The following PLEKHA5 variants were observed in gnomAD, a reference collection of about 807,000 sequenced individuals.
PLEKHA5 encodes pleckstrin homology domain containing A5.
In PLEKHA5, 55 loss-of-function variants were observed where a neutral mutation model predicts 181.9. That is an observed-to-expected ratio of 0.30 (90% confidence interval 0.24 to 0.38). The LOEUF (loss-of-function observed/expected upper bound fraction) is 0.38, where lower values mean the gene tolerates loss of function less well. PLEKHA5 is among the 10% of genes least tolerant of loss of function. The pLI, the probability that PLEKHA5 is intolerant of heterozygous loss-of-function variation, is 1.00. For synonymous variants in PLEKHA5, 535 were observed against 529.4 expected (o/e 1.01, Z -0.15); for missense variants, 1,432 against 1,549.5 (o/e 0.92, Z 1.27).
intron 3 of PLEKHA5, among the ~76,000 whole-genome samples, chr12:19,229,936 G>T (rs1373507622): frequency 6.6e-6 from 1 of 152,152 alleles, no homozygotes; most frequent in African/African-American, 2.4e-5. Context: ...TAGATACAGG[G>T]TGCTGATTGG....
chr12:19,243,208 A>T (rs2062999455), intron 3 of PLEKHA5: 1 of 152,376 alleles, frequency 6.6e-6, no homozygotes, highest in African/African-American at 2.4e-5. Context: ...GAAAGGCAGA[A>T]CTGAGAAGTC....
chr12:19,280,501 A>G (rs1411800575), intron 11 of PLEKHA5, among the ~76,000 whole-genome samples: 2 of 152,142 alleles, frequency 1.3e-5, no homozygotes, highest in Admixed American at 6.5e-5. Context: ...CTTCGGGTCC[A>G]TGTAATTACC....
chr12:19,212,706 A>C (rs1363639518), intron 3 of PLEKHA5, among the ~76,000 whole-genome samples: 1 of 152,218 alleles, frequency 6.6e-6, no homozygotes, highest in Non-Finnish European at 1.5e-5. Flanking sequence ...AAATATTTAT[A>C]ACTTTTGAAA....
chr12:19,274,421 AC>A, intron 10 of PLEKHA5, 94 bp from the exon 11 acceptor site: 2 of 769,306 alleles, frequency 2.6e-6, no homozygotes, highest in Non-Finnish European at 2.1e-6. Flanking sequence ...CCTGGCCCCC[AC>A]CCCCGTAAAG....
intron 31 of PLEKHA5, chr12:19,372,822 G>A (rs2095617958): frequency 6.9e-6 from 1 of 144,484 alleles, no homozygotes; most frequent in African/African-American, 2.6e-5. Flanking sequence ...CACCCACACT[G>A]GAGTGCAATG....
intron 8 of PLEKHA5, among the ~76,000 whole-genome samples, chr12:19,268,091 G>C (rs2071145488): frequency 1.3e-5 from 2 of 152,146 alleles, no homozygotes; most frequent in African/African-American, 4.8e-5. Flanking sequence ...CTAAGGATAA[G>C]AGGGGAGTAT....
intron 3 of PLEKHA5, among the ~76,000 whole-genome samples, chr12:19,136,924 C>A (rs1009202139): frequency 1.3e-5 from 2 of 152,040 alleles, no homozygotes; most frequent in Non-Finnish European, 2.9e-5. Flanking sequence ...GGAGAAAAAT[C>A]TGTTTCTTCA....
chr12:19,159,988 G>T (rs2042598317), intron 3 of PLEKHA5, among the ~76,000 whole-genome samples: 1 of 152,044 alleles, frequency 6.6e-6, no homozygotes, highest in South Asian at 2.1e-4. Flanking sequence ...GAATTAAGAT[G>T]ATCTTGTGGT....
intron 3 of PLEKHA5, chr12:19,200,318 C>A (rs1440142748): frequency 6.6e-7 from 1 of 1,526,268 alleles, no homozygotes; most frequent in African/African-American, 1.4e-5. Context: ...ATCCTTTATC[C>A]TTCCAGCTGA....
chr12:19,347,039 G>T lies in PLEKHA5; in HGVS notation c.2755G>T (p.Asp919Tyr). The change falls in exon 24 of 32, where the codon GAC becomes TAC. Residue 919 changes from aspartate (D) to tyrosine (Y), a missense_variant. This residue lies in a region of PLEKHA5 where 1,143 missense variants were observed against 1,168.4 expected (regional missense o/e 0.98). Coordinates refer to ENST00000429027, the MANE Select transcript of PLEKHA5 (RefSeq NM_001256470.2). ...PPRPPLPRSY[D>Y]FTEQPPIIPP... is the part of the protein sequence containing the mutation. Reference sequence around the variant, plus strand: ...TCGTCCTCCACTTCCTCGGTCCTATGACTTTACAGAGCAGCCTCCCATAAT... The same window carrying T: ...TCGTCCTCCACTTCCTCGGTCCTATTACTTTACAGAGCAGCCTCCCATAAT... 1 of 1,551,598 alleles carries T rather than the reference G, an allele frequency of 6.4e-7. No individual in the cohort carries two copies. The highest frequency in any genetic ancestry group is 8.7e-7 in the Non-Finnish European group (1 of 1,146,838).
chr12:19,210,677 T>C (rs1417464196), intron 3 of PLEKHA5, among the ~76,000 whole-genome samples: 1 of 152,204 alleles, frequency 6.6e-6, no homozygotes, highest in Non-Finnish European at 1.5e-5. Flanking sequence ...AGAAACATAT[T>C]TTCCCTTTGA....
chr12:19,185,099 T>G (rs2049520524), intron 3 of PLEKHA5, among the ~76,000 whole-genome samples: 1 of 152,144 alleles, frequency 6.6e-6, no homozygotes, highest in Admixed American at 6.6e-5. Context: ...TACCTTTTTT[T>G]TTTTTCTTTT....
chr12:19,159,652 TA>T (rs924680122), intron 3 of PLEKHA5, among the ~76,000 whole-genome samples: 3 of 152,192 alleles, frequency 2.0e-5, no homozygotes, highest in African/African-American at 7.2e-5. Flanking sequence ...TTTAAACTTT[TA>T]AATGTCTTTT....
chr12:19,371,545 A>T, intron 31 of PLEKHA5: 1 of 168,168 alleles, frequency 5.9e-6, no homozygotes, highest in South Asian at 1.8e-4. Context: ...CCAACTTATA[A>T]GTGAGAACAT....
chr12:19,264,653 T>C (rs1451498924), intron 7 of PLEKHA5, among the ~76,000 whole-genome samples: 1 of 152,172 alleles, frequency 6.6e-6, no homozygotes, highest in Admixed American at 6.5e-5. Flanking sequence ...TTTTGTTCCA[T>C]TGCTATGAGA....
intron 25 of PLEKHA5, among the ~76,000 whole-genome samples, chr12:19,349,321 G>C (rs1194089016): frequency 6.6e-6 from 1 of 152,036 alleles, no homozygotes; most frequent in African/African-American, 2.4e-5. Flanking sequence ...TTGCCGTGTT[G>C]CCTAAGCTGG....
intron 3 of PLEKHA5, among the ~76,000 whole-genome samples, chr12:19,184,580 G>A (rs373230122): frequency 1.2e-3 from 181 of 152,280 alleles, no homozygotes; most frequent in Middle Eastern, 3.4e-3. Flanking sequence ...TGAAGAGAGA[G>A]GGGAAGGAAG....
intron 20 of PLEKHA5, among the ~76,000 whole-genome samples, chr12:19,331,212 A>C (rs1367990579): frequency 6.6e-6 from 1 of 152,176 alleles, no homozygotes; most frequent in Non-Finnish European, 1.5e-5. Flanking sequence ...GTGACAGCAA[A>C]ATACAGAGAA....
At chr12:19,165,440 T>G (rs931753752) in intron 3 of PLEKHA5, among the ~76,000 whole-genome samples, 23 of 152,194 alleles carry the variant, frequency 1.5e-4, no homozygotes, top group Non-Finnish European at 2.5e-4. Flanking sequence ...GTACTCTATT[T>G]TTTTTTTTTT....
Sources: allele counts gnomAD v4.1 joint callset (sites outside exome capture counted in the v4.1 genomes callset), GRCh38; gene constraint gnomAD v4.1.1; regional missense constraint gnomAD v4.1.1; transcripts MANE v1.5; gene names NCBI Gene and HGNC (gene_info 2026-07-23, HGNC 2026-07-21).